Variants in TUBE1 observed in about 807,000 individuals in gnomAD.
TUBE1 encodes tubulin epsilon 1.
Under a neutral mutation model 53.5 loss-of-function variants are expected in TUBE1, and 34 were observed. That is an observed-to-expected ratio of 0.64 (90% CI 0.48 to 0.85). The LOEUF is 0.85. Among genes scored for constraint, TUBE1 ranks in the 40% least tolerant of loss-of-function variants. The pLI, the probability that TUBE1 is intolerant of heterozygous loss-of-function variation, is 0.00. For missense variants in TUBE1, 532 were observed against 570.5 expected (o/e 0.93, Z 0.69); for synonymous variants, 177 against 198.4 (o/e 0.89, Z 0.91).
intron 8 of TUBE1, 99 bp from the exon 9 acceptor site, chr6:112,074,949 TG>T (rs1477314353): frequency 1.3e-6 from 1 of 775,246 alleles, no homozygotes; most frequent in Non-Finnish European, 1.9e-6. Context: ...TAAATTCTTT[TG>T]TACACTGTTC....
At chr6:112,075,068 C>CTTTTTTTTTTTTTTT (rs371166684) in intron 8 of TUBE1, 1 of 122,878 alleles carries the variant, frequency 8.1e-6, no homozygotes, top group Non-Finnish European at 1.7e-5. Flanking sequence ...TTTTTTCTTT[C>CTTTTTTTTTTTTTTT]TTTTTTTTTT....
intron 8 of TUBE1, 36 bp downstream of exon 8, chr6:112,075,901 C>A (rs782424468): frequency 1.6e-5 from 24 of 1,513,678 alleles, no homozygotes; most frequent in South Asian, 2.7e-5. Context: ...TCCAAAAGCA[C>A]AATAAAGTTT....
At chr6:112,078,549 T>C (rs1001653673) in intron 6 of TUBE1, 1 of 152,030 alleles carries the variant, frequency 6.6e-6, no homozygotes, top group Non-Finnish European at 1.5e-5. Context: ...AACCTGATCA[T>C]CTGTAAGGAC....
chr6:112,071,704 T>G, intron 11 of TUBE1, 134 bp from the exon 12 acceptor site: 2 of 968,876 alleles, frequency 2.1e-6, no homozygotes, highest in Non-Finnish European at 2.9e-6. Flanking sequence ...TTGTGTCAAA[T>G]TGAATGAATC....
chr6:112,075,071 T>TC, intron 8 of TUBE1: 3 of 206,084 alleles, frequency 1.5e-5, no homozygotes, highest in South Asian at 1.4e-4. Context: ...TTTCTTTCTT[T>TC]TTTTTTTTTT....
intron 4 of TUBE1, among the ~76,000 whole-genome samples, chr6:112,082,209 T>C (rs1777082110): frequency 6.6e-6 from 1 of 152,192 alleles, no homozygotes; most frequent in Non-Finnish European, 1.5e-5. Flanking sequence ...CTCCTTTATA[T>C]AGAGCAATCA....
At chr6:112,074,624 T>A in intron 9 of TUBE1, 86 bp downstream of exon 9, 1 of 1,018,740 alleles carries the variant, frequency 9.8e-7, no homozygotes, top group Non-Finnish European at 1.3e-6. Context: ...ATTAAATAAC[T>A]AGAGTTATTG....
At chr6:112,085,852 A>AGTTTG (rs1301015145) in intron 3 of TUBE1, 1 of 367,802 alleles carries the variant, frequency 2.7e-6, no homozygotes, top group East Asian at 7.4e-5. Context: ...GACACTTCTG[A>AGTTTG]GTTTGCAAGC....
chr6:112,082,345 AAG>A (rs1554316872), intron 4 of TUBE1, among the ~76,000 whole-genome samples: 2 of 152,188 alleles, frequency 1.3e-5, no homozygotes, highest in Admixed American at 6.5e-5. Context: ...AAACAAACCA[AAG>A]AGAGACTTCA....
intron 4 of TUBE1, among the ~76,000 whole-genome samples, chr6:112,082,475 A>C (rs1554316886): frequency 1.3e-5 from 2 of 152,238 alleles, no homozygotes; most frequent in Non-Finnish European, 2.9e-5. Context: ...TTAAACATAC[A>C]TAAATCATAC....
At chr6:112,084,960 G>A (rs1777125517) in intron 3 of TUBE1, among the ~76,000 whole-genome samples, 1 of 152,144 alleles carries the variant, frequency 6.6e-6, no homozygotes, top group African/African-American at 2.4e-5. Flanking sequence ...CAATCATCAG[G>A]CCAAATTCAA....
At chr6:112,086,323 G>T (rs1554317308) in intron 3 of TUBE1, among the ~76,000 whole-genome samples, 1 of 152,140 alleles carries the variant, frequency 6.6e-6, no homozygotes, top group African/African-American at 2.4e-5. Flanking sequence ...TTCTTTTAAT[G>T]AAACTTATTT....
At chr6:112,073,382 A>C (rs1414621794) in intron 9 of TUBE1, among the ~76,000 whole-genome samples, 10 of 152,336 alleles carry the variant, frequency 6.6e-5, no homozygotes, top group African/African-American at 2.4e-4. Flanking sequence ...AAGCTCTCCT[A>C]TAAAAGATGA....
At position 112,071,386 on chromosome 6, in the gene TUBE1, A is replaced by C. The variant is rs781978181; in HGVS notation, c.*26T>G. On this transcript the variant is annotated 3_prime_UTR_variant, in exon 12 of 12. Coordinates refer to ENST00000368662, the MANE Select transcript of TUBE1 (RefSeq NM_016262.5). ...GGTCAGAAAAAACAATGTGAAATTA[A>C]GAAAGTATTTTTGAGGGTTTCTTTT... 6.9e-6 allele frequency: 10 copies of C among 1,455,560 alleles called. No homozygotes were observed. The South Asian group carries it at 1.7e-4, about 24-fold the overall frequency. 90.2% of individuals were successfully genotyped at this position (1,455,560 alleles called of 1,614,324 possible). A position where few individuals can be genotyped will look rare whatever the true frequency, so the allele number is the denominator to read the frequency against.
chr6:112,074,965 G>T (rs994961975), intron 8 of TUBE1, 115 bp from the exon 9 acceptor site: 10 of 527,398 alleles, frequency 1.9e-5, no homozygotes, highest in Non-Finnish European at 2.8e-5. Context: ...CTGTTCTTCA[G>T]TGCAGAACAC....
chr6:112,082,242 G>T (rs782657904), intron 4 of TUBE1, among the ~76,000 whole-genome samples: 3 of 152,086 alleles, frequency 2.0e-5, no homozygotes, highest in Non-Finnish European at 2.9e-5. Context: ...ACATACAGAG[G>T]ACTGTATAGG....
intron 10 of TUBE1, 44 bp downstream of exon 10, chr6:112,072,714 C>T (rs781863796): frequency 1.9e-6 from 3 of 1,601,516 alleles, no homozygotes; most frequent in African/African-American, 2.7e-5. Flanking sequence ...GCCACACTGT[C>T]CCAAGCAGCA....
At position 112,071,268 on chromosome 6, in the gene TUBE1, C is replaced by T. The variant is rs994329337; in HGVS notation, c.*144G>A. On this transcript the variant is annotated 3_prime_UTR_variant, in exon 12 of 12. Coordinates refer to ENST00000368662, the MANE Select transcript of TUBE1 (RefSeq NM_016262.5). The stretch of plus-strand genomic sequence containing the variant: ...ACACATTGGTATTACCAACAAATTG[C>T]GATTAAACAGAAATCACTCTTTTAG... The T allele has an allele frequency of 1.4e-6, 1 of 705,048 alleles. No individual in the cohort carries two copies. The highest frequency in any genetic ancestry group is 2.8e-5 in the East Asian group (1 of 35,572). 43.7% of individuals were successfully genotyped at this position (705,048 alleles called of 1,614,324 possible).
intron 9 of TUBE1, among the ~76,000 whole-genome samples, chr6:112,073,109 T>G (rs1554315602): frequency 1.5e-5 from 2 of 134,864 alleles, no homozygotes; most frequent in African/African-American, 6.3e-5. Context: ...ATATAATATT[T>G]TCTTTTTCTG....
Sources: gnomAD v4.1 joint callset for allele counts (sites outside exome capture counted in the v4.1 genomes callset) on GRCh38, gnomAD v4.1.1 for gene constraint, MANE v1.5 for transcripts, NCBI Gene and HGNC (gene_info 2026-07-23, HGNC 2026-07-21) for gene names.